ANKS3: variants seen among roughly 807,000 people sequenced by gnomAD.
ANKS3 encodes the protein ankyrin repeat and SAM domain-containing protein 3.
ANKS3 carries 62 observed loss-of-function variants against 80.7 expected under a neutral mutation model. The ratio of observed to expected loss-of-function variants is 0.77; its 90% CI spans 0.63 to 0.95. The LOEUF is 0.95. Ranked by LOEUF, ANKS3 falls within the 40% of genes least tolerant of loss-of-function variation. The pLI is 0.00. For synonymous variants in ANKS3, 489 were observed against 355.3 expected (o/e 1.38, Z -4.23); for missense variants, 1,150 against 883.6 (o/e 1.30, Z -3.82).
At chr16:4,724,604 G>A (rs2142142496) in intron 6 of ANKS3, 146 bp downstream of exon 6, 1 of 726,368 alleles carries the variant, frequency 1.4e-6, no homozygotes, top group East Asian at 2.8e-5. Flanking sequence ...CTCAACACCG[G>A]GCGTCAATAG....
chr16:4,697,023 G>T lies in ANKS3; in HGVS notation c.*5C>A. 1 of 1,611,604 alleles carries T rather than the reference G, an allele frequency of 6.2e-7. No homozygotes were observed. The highest frequency in any genetic ancestry group is 1.1e-5 in the South Asian group (1 of 90,744). On this transcript the variant is annotated 3_prime_UTR_variant, in exon 17 of 18. Transcript: ENST00000304283. The stretch of plus-strand genomic sequence containing the variant: ...CAGGCTGGCAGACACTCACCGGCCC[G>T]CAGGCTAGGTCTCCCGCCACTTCTT...
At position 4,697,317 on chromosome 16, in the gene ANKS3, G is replaced by A. The variant is rs372474704; in HGVS notation, c.1894+16C>T. On this transcript the variant is annotated intron_variant, in intron 16 of 17. Coordinates refer to ENST00000304283, the MANE Select transcript of ANKS3 (RefSeq NM_133450.4). ...AACAAAAGGAGCGCTCAGTCGTCTGGTCCCCGGAGACTCACCCATCTCACG... is the reference window on the plus strand; with the variant it reads ...AACAAAAGGAGCGCTCAGTCGTCTGATCCCCGGAGACTCACCCATCTCACG... 1.4e-5 allele frequency: 23 copies of A among 1,594,000 alleles called. No individual in the cohort carries two copies. Among genetic ancestry groups the A allele is most frequent in the Admixed American group, 1.7e-5 (1 of 57,254 alleles).
intron 7 of ANKS3, 34 bp from the exon 8 acceptor site, chr16:4,705,287 T>A: frequency 6.2e-7 from 1 of 1,609,188 alleles, no homozygotes; most frequent in East Asian, 2.2e-5. Context: ...GATAGTGTGT[T>A]CAGTAATGGA....
intron 14 of ANKS3, 174 bp from the exon 15 acceptor site, chr16:4,698,236 G>C (rs2079687750): frequency 8.9e-7 from 1 of 1,126,876 alleles, no homozygotes; most frequent in African/African-American, 1.6e-5. Context: ...GACCGGTGCA[G>C]ATTCCCGGAC....
At chr16:4,702,680 C>A (rs555709723) in intron 8 of ANKS3, among the ~76,000 whole-genome samples, 1 of 152,094 alleles carries the variant, frequency 6.6e-6, no homozygotes, top group Non-Finnish European at 1.5e-5. Flanking sequence ...GGTCAGTCAA[C>A]CCCGGCGAAA....
At chr16:4,696,973 C>G (rs1163406188) in intron 17 of ANKS3, 44 bp downstream of exon 17, 1 of 1,591,118 alleles carries the variant, frequency 6.3e-7, no homozygotes, top group Non-Finnish European at 8.6e-7. Flanking sequence ...CCAGACAGGC[C>G]CTGCTGCTCC....
chr16:4,704,950 G>A (rs1049048324), intron 8 of ANKS3, 145 bp downstream of exon 8: 22 of 1,050,902 alleles, frequency 2.1e-5, no homozygotes, highest in Non-Finnish European at 3.0e-5. Flanking sequence ...GAGTCTCCCT[G>A]AGCATGAAAG....
chr16:4,724,967 T>C (rs1376928536), intron 5 of ANKS3, 136 bp from the exon 6 acceptor site: 1 of 659,692 alleles, frequency 1.5e-6, no homozygotes. Flanking sequence ...TTTCCAGAAT[T>C]AACAGGTGAC....
chr16:4,712,726 T>C (rs927524459), intron 7 of ANKS3, among the ~76,000 whole-genome samples: 1 of 152,176 alleles, frequency 6.6e-6, no homozygotes, highest in Admixed American at 6.5e-5. Flanking sequence ...AACGTGGCAT[T>C]TCCACTAAGA....
chr16:4,698,193 G>A (rs2079685067), intron 14 of ANKS3, 131 bp from the exon 15 acceptor site: 3 of 1,175,034 alleles, frequency 2.6e-6, no homozygotes, highest in Admixed American at 2.6e-5. Context: ...CTGGGCCAGT[G>A]CCCCATGAGG....
In ANKS3 at chr16:4,701,556, A is replaced by G. The variant is rs760720783; in HGVS notation, c.1010-13T>C. 2.9e-5 allele frequency: 47 copies of G among 1,602,106 alleles called. No individual in the cohort carries two copies. The highest frequency in any genetic ancestry group is 3.8e-5 in the Non-Finnish European group (45 of 1,174,024). On this transcript the variant is annotated splice_polypyrimidine_tract_variant and intron_variant, in intron 9 of 17. Transcript: ENST00000304283. ...AAAGCATGTTCCTCTGAGGGCGGGA[A>G]GACAGGGCGTCCGCCTGCAGCCCTC...
intron 6 of ANKS3, among the ~76,000 whole-genome samples, chr16:4,715,803 CT>C (rs529857369): frequency 1.3e-3 from 185 of 139,632 alleles, no homozygotes; most frequent in Middle Eastern, 3.6e-3. Flanking sequence ...AGCATGTTTG[CT>C]TTTTTTTTTT....
rs1027293114 is a variant in ANKS3 at position 4,700,961 on chromosome 16, C to T, written c.1284+9G>A. On this transcript the variant is annotated intron_variant, in intron 11 of 17. Coordinates refer to ENST00000304283, the MANE Select transcript of ANKS3 (RefSeq NM_133450.4). ...TGAGTGTAACCTCCAGTTTCACAAGCGGTCTTACCTGGGGTCCTGAGTAGG... is the reference window on the plus strand; with the variant it reads ...TGAGTGTAACCTCCAGTTTCACAAGTGGTCTTACCTGGGGTCCTGAGTAGG... The T allele has an allele frequency of 3.1e-6, 5 of 1,613,836 alleles. No homozygotes were observed. The highest frequency in any genetic ancestry group is 1.1e-5 in the South Asian group (1 of 91,088).
intron 2 of ANKS3, 189 bp from the exon 3 acceptor site, chr16:4,730,340 A>T: frequency 2.2e-6 from 1 of 454,608 alleles, no homozygotes; most frequent in South Asian, 8.3e-5. Flanking sequence ...AACCATGCTA[A>T]ATCTGGTGAG....
At position 4,702,048 on chromosome 16, in the gene ANKS3, A is replaced by G. The variant is rs1596356575; in HGVS notation, c.1009+54T>C. The G allele has an allele frequency of 2.0e-5, 31 of 1,516,104 alleles. No individual in the cohort carries two copies. In the East Asian group the frequency reaches 6.9e-4, roughly 34 times the overall value. The allele number at this position is 1,516,104 out of a possible 1,614,324, so 93.9% of individuals were successfully genotyped here. A position where few individuals can be genotyped will look rare whatever the true frequency, so the allele number is the denominator to read the frequency against. On this transcript the variant is annotated intron_variant, in intron 9 of 17. Coordinates refer to ENST00000304283, the MANE Select transcript of ANKS3 (RefSeq NM_133450.4). ...AGGGGATAAGTGGGGATGGGCACAC[A>G]GGAGCTCCAGGACCTGCCTGAGCCA...
intron 7 of ANKS3, among the ~76,000 whole-genome samples, chr16:4,713,337 TATA>T (rs1443885791): frequency 6.6e-6 from 1 of 151,750 alleles, no homozygotes; most frequent in African/African-American, 2.4e-5. Context: ...AGTGAAACGA[TATA>T]ATGACACCAC....
chr16:4,728,489 G>A (rs1456975273), intron 3 of ANKS3, among the ~76,000 whole-genome samples: 1 of 152,100 alleles, frequency 6.6e-6, no homozygotes, highest in African/African-American at 2.4e-5. Context: ...GGGCTGCATG[G>A]AGATGCCTCT....
chr16:4,702,651 C>CT (rs2079981753), intron 8 of ANKS3, among the ~76,000 whole-genome samples: 1 of 152,114 alleles, frequency 6.6e-6, no homozygotes, highest in Non-Finnish European at 1.5e-5. Flanking sequence ...TAACCACAGG[C>CT]GCTTAGCGGG....
intron 12 of ANKS3, 34 bp downstream of exon 12, chr16:4,699,018 G>A (rs568684634): frequency 4.5e-5 from 73 of 1,614,130 alleles, no homozygotes; most frequent in African/African-American, 8.0e-5. Flanking sequence ...CCCCAACCCC[G>A]GGCTGAGGGC....
Sources: gnomAD v4.1 joint callset for allele counts (sites outside exome capture counted in the v4.1 genomes callset) on GRCh38, gnomAD v4.1.1 for gene constraint, MANE v1.5 for transcripts, NCBI Gene and HGNC (gene_info 2026-07-23, HGNC 2026-07-21) for gene names.